Variants in ZNF282 observed in about 807,000 individuals in gnomAD.
ZNF282 encodes HTLV-I U5 repressive element-binding protein 1.
Under a neutral mutation model 61.9 loss-of-function variants are expected in ZNF282, and 30 were observed. The observed-to-expected ratio is 0.48, with a 90% CI of 0.36 to 0.66. ZNF282 has a LOEUF of 0.66. ZNF282 is among the 30% of genes least tolerant of loss of function. The pLI, the probability that ZNF282 is intolerant of heterozygous loss-of-function variation, is 0.00. For synonymous variants in ZNF282, 396 were observed against 405.0 expected (o/e 0.98, Z 0.27); for missense variants, 788 against 941.4 (o/e 0.84, Z 2.13).
chr7:149,206,349 G>A (rs1381579767), intron 2 of ZNF282, among the ~76,000 whole-genome samples: 6 of 152,168 alleles, frequency 3.9e-5, no homozygotes, highest in Non-Finnish European at 7.3e-5. Context: ...CTGGCTCACG[G>A]ATACCCACTC....
In ZNF282 at chr7:149,224,196, A is replaced by T. The variant is rs567178442; in HGVS notation, c.1565A>T (p.Glu522Val). 6.2e-7 allele frequency: 1 copy of T among 1,606,192 alleles called. No homozygotes were observed. The highest frequency in any genetic ancestry group is 2.2e-5 in the East Asian group (1 of 44,856). The change falls in exon 8 of 8, where the codon GAG becomes GTG. Residue 522 changes from glutamate to valine, a missense_variant. Glu to Val is a moderately radical substitution (Grantham distance 121, BLOSUM62 -2). Around this residue, in one of 3 missense-constraint regions of ZNF282, gnomAD observed 559 missense variants for 642.0 expected, o/e 0.87. Coordinates refer to ENST00000610704, the MANE Select transcript of ZNF282 (RefSeq NM_003575.4). ...CGCAGCAAGCCCTACTCGTGCCCCG[A>T]GTGCGGCAAGAGCTTCGGCGTGCGC... ...GARSKPYSCP[E>V]CGKSFGVRKS...
chr7:149,224,061 G>A lies in ZNF282; in HGVS notation c.1430G>A (p.Gly477Asp). The A allele has an allele frequency of 1.7e-6, 2 of 1,165,452 alleles. No individual in the cohort carries two copies. Among genetic ancestry groups the A allele is most frequent in the Non-Finnish European group, 2.1e-6 (2 of 946,460 alleles). 72.2% of individuals were successfully genotyped at this position (1,165,452 alleles called of 1,614,324 possible). A position where few individuals can be genotyped will look rare whatever the true frequency, so the allele number is the denominator to read the frequency against. ...GACCGCAGCACCGGGGGCGGCGGGGGCGATGGGGGCGGTGGGGGCGGCGGC... is the reference window on the plus strand; with the variant it reads ...GACCGCAGCACCGGGGGCGGCGGGGACGATGGGGGCGGTGGGGGCGGCGGC... The part of the protein sequence containing the change: ...GGDRSTGGGG[G>D]DGGGGGGGAE... The change falls in exon 8 of 8, where the codon GGC becomes GAC. Residue 477 changes from glycine to aspartate, a missense_variant. Physicochemically the swap from Gly to Asp is moderately conservative, Grantham distance 94. Coordinates refer to ENST00000610704, the MANE Select transcript of ZNF282 (RefSeq NM_003575.4).
At chr7:149,218,110 A>AC (rs979922117) in intron 7 of ZNF282, among the ~76,000 whole-genome samples, 11 of 151,108 alleles carry the variant, frequency 7.3e-5, no homozygotes, top group Admixed American at 7.2e-4. Flanking sequence ...CTCAGAAAAA[A>AC]AAAAAAAAAA....
intron 7 of ZNF282, among the ~76,000 whole-genome samples, chr7:149,222,028 A>G (rs1796262432): frequency 7.1e-6 from 1 of 140,756 alleles, no homozygotes; most frequent in Non-Finnish European, 1.5e-5. Context: ...CAAACTGAAG[A>G]CCAGGGAGGT....
intron 1 of ZNF282, among the ~76,000 whole-genome samples, chr7:149,197,002 A>G (rs951876110): frequency 6.6e-6 from 1 of 152,046 alleles, no homozygotes; most frequent in Non-Finnish European, 1.5e-5. Flanking sequence ...AGAAAATGAC[A>G]CCTCTTCCTG....
intron 2 of ZNF282, among the ~76,000 whole-genome samples, chr7:149,205,128 A>T (rs1795972690): frequency 6.6e-6 from 1 of 152,034 alleles, no homozygotes; most frequent in Non-Finnish European, 1.5e-5. Flanking sequence ...CTCCGTTTCA[A>T]AAAAATAAAA....
intron 4 of ZNF282, 147 bp from the exon 5 acceptor site, chr7:149,210,438 G>A: frequency 1.5e-6 from 2 of 1,378,794 alleles, no homozygotes; most frequent in Non-Finnish European, 2.0e-6. Context: ...GGCAAGTGCT[G>A]TCAGCCATGC....
chr7:149,212,566 T>G, intron 6 of ZNF282, 95 bp downstream of exon 6: 1 of 1,005,716 alleles, frequency 9.9e-7, no homozygotes, highest in Non-Finnish European at 1.5e-6. Flanking sequence ...CAGCTGATAC[T>G]AAAATTACTT....
At chr7:149,199,451 A>G (rs997393860) in intron 2 of ZNF282, among the ~76,000 whole-genome samples, 3 of 151,798 alleles carry the variant, frequency 2.0e-5, no homozygotes, top group East Asian at 1.9e-4. Flanking sequence ...CCTCTGAGTC[A>G]TCAGCTCTCC....
chr7:149,199,350 C>T (rs761542734), intron 2 of ZNF282, among the ~76,000 whole-genome samples: 4 of 152,116 alleles, frequency 2.6e-5, no homozygotes, highest in Admixed American at 1.3e-4. Flanking sequence ...ATCTGCTGCT[C>T]GGTGGCCACA....
At chr7:149,220,917 GT>G (rs764989538) in intron 7 of ZNF282, among the ~76,000 whole-genome samples, 11 of 47,684 alleles carry the variant, frequency 2.3e-4, no homozygotes, top group East Asian at 1.4e-3. Flanking sequence ...CCCCTGGAGG[GT>G]TTTTTTTTTT....
intron 6 of ZNF282, 82 bp downstream of exon 6, chr7:149,212,553 A>T: frequency 9.1e-7 from 1 of 1,103,902 alleles, no homozygotes; most frequent in South Asian, 1.5e-5. Context: ...TATTGTGTTT[A>T]TGCAGCTGAT....
At chr7:149,206,509 T>G in intron 2 of ZNF282, 187 bp from the exon 3 acceptor site, 1 of 772,302 alleles carries the variant, frequency 1.3e-6, no homozygotes, top group Non-Finnish European at 2.1e-6. Flanking sequence ...CCATCCGTGT[T>G]ATTGAAAGCA....
intron 2 of ZNF282, among the ~76,000 whole-genome samples, chr7:149,200,299 C>T (rs1163313267): frequency 2.6e-5 from 4 of 152,102 alleles, no homozygotes; most frequent in South Asian, 2.1e-4. Context: ...TAATGATGTC[C>T]GTGGTGTTAC....
chr7:149,213,770 C>G lies in ZNF282; in HGVS notation c.1136C>G (p.Pro379Arg), dbSNP rs1407120257. ...GAGGAGCAGCCATACCCATGGGGAC[C>G]ACGCGACTCAATGGACGGAGAGCTT... ...KQEEQPYPWG[P>R]RDSMDGELGL... is the part of the protein sequence containing the mutation. The change falls in exon 7 of 8, where the codon CCA becomes CGA. Residue 379 changes from proline (P) to arginine (R), a missense_variant. Pro to Arg is a moderately radical substitution (Grantham distance 103). This residue lies in a region of ZNF282 where 559 missense variants were observed against 642.0 expected (regional missense o/e 0.87). Transcript: ENST00000610704. 2 of 1,613,926 alleles carry G rather than the reference C, an allele frequency of 1.2e-6. No individual in the cohort carries two copies. The highest frequency in any genetic ancestry group is 2.2e-5 in the South Asian group (2 of 91,064).
chr7:149,208,134 C>T (rs914049433), intron 4 of ZNF282, among the ~76,000 whole-genome samples: 9 of 152,210 alleles, frequency 5.9e-5, no homozygotes, highest in African/African-American at 2.2e-4. Flanking sequence ...AAACTGTGTT[C>T]TCTACCTCAT....
Position 149,195,677 on chromosome 7 carries a change from G to T in ZNF282, c.88G>T (p.Ala30Ser). Residue 30 changes from alanine to serine, a missense_variant, in exon 1 of 8, where the codon GCT (alanine) becomes TCT (serine). Coordinates refer to ENST00000610704, the MANE Select transcript of ZNF282 (RefSeq NM_003575.4). ...LDSGSWSWAQ[A>S]LPPEEVCHQE... ...CAGCGGGAGCTGGAGCTGGGCCCAG[G>T]CTCTGCCCCCGGAGGAGGTCTGCCA... 6.3e-7 allele frequency: 1 copy of T among 1,589,008 alleles called. No individual in the cohort carries two copies. Among genetic ancestry groups the T allele is most frequent in the African/African-American group, 1.4e-5 (1 of 73,460 alleles).
At chr7:149,212,517 C>T (rs1197559486) in intron 6 of ZNF282, 46 bp downstream of exon 6, 3 of 1,345,064 alleles carry the variant, frequency 2.2e-6, no homozygotes, top group African/African-American at 1.5e-5. Flanking sequence ...AAGTGTTTTT[C>T]AAAAGGAATC....
chr7:149,210,982 C>A (rs1228829972), intron 5 of ZNF282, among the ~76,000 whole-genome samples: 1 of 152,216 alleles, frequency 6.6e-6, no homozygotes, highest in East Asian at 1.9e-4. Flanking sequence ...CCATCTTCCC[C>A]TTTAGAAACA....
Sources: gnomAD v4.1 joint callset for allele counts (sites outside exome capture counted in the v4.1 genomes callset) on GRCh38, gnomAD v4.1.1 for gene constraint, gnomAD v4.1.1 regional missense constraint, MANE v1.5 for transcripts, NCBI Gene and HGNC (gene_info 2026-07-23, HGNC 2026-07-21) for gene names.